RBM25: variants seen among roughly 807,000 people sequenced by gnomAD.
The protein encoded by RBM25 is RNA-binding protein 25.
RBM25 carries 19 observed loss-of-function variants against 120.7 expected under a neutral mutation model. That is an observed-to-expected ratio of 0.16 (90% CI 0.11 to 0.23). The LOEUF (loss-of-function observed/expected upper bound fraction) is 0.23. Ranked by LOEUF, RBM25 falls within the 10% of genes least tolerant of loss-of-function variation. RBM25 has a pLI of 1.00. For missense variants in RBM25, 605 were observed against 1,041.5 expected (o/e 0.58, Z 5.77); for synonymous variants, 390 against 326.7 (o/e 1.19, Z -2.09).
intron 18 of RBM25, among the ~76,000 whole-genome samples, chr14:73,117,088 CAG>C (rs1896444647): frequency 1.3e-5 from 2 of 152,028 alleles, no homozygotes; most frequent in South Asian, 4.1e-4. Context: ...AGTGTTACAA[CAG>C]AGTTCTTCAA....
At chr14:73,089,965 T>C (rs759240240) in intron 6 of RBM25, among the ~76,000 whole-genome samples, 15 of 152,196 alleles carry the variant, frequency 9.9e-5, no homozygotes, top group Non-Finnish European at 1.9e-4. Flanking sequence ...CCTGTATTTC[T>C]AAAACATAAG....
At chr14:73,093,948 G>GTTTTTT (rs1004873413) in intron 6 of RBM25, among the ~76,000 whole-genome samples, 44 of 122,166 alleles carry the variant, frequency 3.6e-4, no homozygotes, top group African/African-American at 5.2e-4. Flanking sequence ...ATCAGGTTTT[G>GTTTTTT]TTTTTTTTTT....
Position 73,095,711 on chromosome 14 carries a change from T to A in RBM25, c.544-1204T>A, listed in dbSNP as rs933657349. On this transcript the variant is annotated intron_variant, in intron 6 of 18. Transcript: ENST00000261973. ...TTTCAGAATGCTTGTGGTCAACTTA[T>A]AAAGTTACTGCTAAGTTACATTGTT... 2.0e-5 allele frequency among the ~76,000 whole-genome samples: 3 copies of A among 152,362 alleles called. No homozygotes were observed. In the East Asian group the frequency reaches 5.8e-4, roughly 29 times the overall value.
Position 73,105,126 on chromosome 14 carries a change from C to CTTTTT in RBM25, c.1155-719_1155-715dup, listed in dbSNP as rs34862161. ...TGTAATCTGCAGTTTGGTTTTATTA[C>CTTTTT]TTTTTTTTTTTTTTTTTTGGAGACG... On this transcript the variant is annotated intron_variant, in intron 10 of 18. Coordinates refer to ENST00000261973, the MANE Select transcript of RBM25 (RefSeq NM_021239.3). 1.2e-4 allele frequency among the ~76,000 whole-genome samples: 13 copies of CTTTTT among 109,520 alleles called. 1 individual carries two copies. Among genetic ancestry groups the CTTTTT allele is most frequent in the African/African-American group, 4.5e-4 (12 of 26,672 alleles). The allele number at this position is 109,520 out of a possible 152,430, so 71.8% of individuals were successfully genotyped here.
rs766497204 is a variant in RBM25, at chr14:73,077,410, C to T, written c.198C>T (p.Gly66=). ...PTVSMVGKHL[G]ARKDHPGLKA... is the part of the protein sequence containing the mutation. ...TGTCTATGGTTGGAAAGCATTTGGGCGCAAGAAAGGATCATCCAGGCTTAA... is the reference window on the plus strand; with the variant it reads ...TGTCTATGGTTGGAAAGCATTTGGGTGCAAGAAAGGATCATCCAGGCTTAA... The change falls in exon 4 of 19, where the codon GGC becomes GGT. Residue 66 remains glycine (G), a synonymous_variant. Transcript: ENST00000261973. The T allele has an allele frequency of 4.0e-5, 65 of 1,613,400 alleles. No individual in the cohort carries two copies. The highest frequency in any genetic ancestry group is 4.7e-5 in the Non-Finnish European group (56 of 1,179,674).
intron 1 of RBM25, among the ~76,000 whole-genome samples, chr14:73,071,263 C>G (rs115587126): frequency 0.015 from 2,183 of 142,580 alleles, 56 homozygotes; most frequent in African/African-American, 0.053. Context: ...AAAAAAAAAT[C>G]AGAACACTTA....
chr14:73,099,527 T>C (rs1302193756), intron 8 of RBM25, 94 bp downstream of exon 8: 6 of 1,584,180 alleles, frequency 3.8e-6, no homozygotes, highest in Non-Finnish European at 4.3e-6. Flanking sequence ...TATTTAACTT[T>C]AGATTGTTAG....
At chr14:73,104,360 T>A (rs1896134852) in intron 10 of RBM25, among the ~76,000 whole-genome samples, 3 of 151,728 alleles carry the variant, frequency 2.0e-5, no homozygotes, top group South Asian at 2.1e-4. Flanking sequence ...TAAAATTTTT[T>A]AATTATATTG....
Position 73,122,902 on chromosome 14 carries a change from C to T in RBM25, c.*3097C>T, listed in dbSNP as rs1421036080. 1.3e-5 allele frequency: 2 copies of T among 152,198 alleles called. No homozygotes were observed. Among genetic ancestry groups the T allele is most frequent in the Non-Finnish European group, 2.9e-5 (2 of 68,030 alleles). 9.4% of individuals were successfully genotyped at this position (152,198 alleles called of 1,614,324 possible). A position where few individuals can be genotyped will look rare whatever the true frequency, so the allele number is the denominator to read the frequency against. ...TCTATTCAGTATTATTTTATCCTAA[C>T]AGACTACATAAATGCAGCTGAATTT... On this transcript the variant is annotated 3_prime_UTR_variant, in exon 19 of 19. Transcript: ENST00000261973.
intron 4 of RBM25, among the ~76,000 whole-genome samples, chr14:73,079,553 A>G (rs1049843570): frequency 3.3e-5 from 5 of 150,478 alleles, no homozygotes; most frequent in Admixed American, 2.0e-4. Context: ...GGTTATCTCA[A>G]CCTGTGGTTC....
chr14:73,100,427 G>T (rs538470873), intron 9 of RBM25: 1 of 579,244 alleles, frequency 1.7e-6, no homozygotes, highest in South Asian at 2.1e-5. Context: ...ATGCAAAGGG[G>T]TAACTGGCTT....
chr14:73,094,558 C>T (rs891936540), intron 6 of RBM25, among the ~76,000 whole-genome samples: 1 of 151,408 alleles, frequency 6.6e-6, no homozygotes, highest in African/African-American at 2.4e-5. Flanking sequence ...AGCCATTCTC[C>T]TGCCTCGGCC....
intron 15 of RBM25, 65 bp from the exon 16 acceptor site, chr14:73,111,462 TG>T: frequency 6.8e-7 from 1 of 1,464,532 alleles, no homozygotes; most frequent in Non-Finnish European, 9.2e-7. Flanking sequence ...TTTTGAGGGA[TG>T]GTGGGTTATA....
chr14:73,077,582 T>C lies in RBM25; in HGVS notation c.324+46T>C, dbSNP rs539799599. 37 of 1,465,994 alleles carry C rather than the reference T, an allele frequency of 2.5e-5. 1 individual carries two copies. The African/African-American group carries it at 4.6e-4, about 18-fold the overall frequency. The allele number at this position is 1,465,994 out of a possible 1,614,324, so 90.8% of individuals were successfully genotyped here. On this transcript the variant is annotated intron_variant, in intron 4 of 18. Transcript: ENST00000261973. ...TTCATTAAAAATTTTTTTATCATTCTACATTTCAAACTTAAGCAGAAAGAA... is the reference window on the plus strand; with the variant it reads ...TTCATTAAAAATTTTTTTATCATTCCACATTTCAAACTTAAGCAGAAAGAA...
At chr14:73,092,380 A>G (rs1306705472) in intron 6 of RBM25, among the ~76,000 whole-genome samples, 2 of 152,058 alleles carry the variant, frequency 1.3e-5, no homozygotes, top group African/African-American at 4.8e-5. Flanking sequence ...AGTTGGAGAA[A>G]TTTAGAAAGC....
chr14:73,075,306 G>A (rs4496063), intron 2 of RBM25, among the ~76,000 whole-genome samples: 20,404 of 151,842 alleles, frequency 0.13, 1,762 homozygotes, highest in South Asian at 0.24. Flanking sequence ...TTACAGGCAC[G>A]CACCACTACG....
intron 1 of RBM25, among the ~76,000 whole-genome samples, chr14:73,062,920 A>G (rs937388549): frequency 2.0e-5 from 3 of 150,554 alleles, no homozygotes; most frequent in Admixed American, 2.0e-4. Context: ...TCCCGGGCTC[A>G]AGCGATTCTC....
intron 9 of RBM25, chr14:73,100,044 A>G (rs1302967109): frequency 1.9e-5 from 9 of 469,956 alleles, no homozygotes; most frequent in Non-Finnish European, 3.3e-5. Context: ...TCAGACTTAA[A>G]TTAGATTCAG....
rs2140470586 is a variant in RBM25, at chr14:73,120,096, G to T, written c.*291G>T. 52 of 207,030 alleles carry T rather than the reference G, an allele frequency of 2.5e-4. No individual in the cohort carries two copies. The highest frequency in any genetic ancestry group is 4.9e-4 in the East Asian group (3 of 6,102). The allele number at this position is 207,030 out of a possible 1,614,324, so 12.8% of individuals were successfully genotyped here. A position where few individuals can be genotyped will look rare whatever the true frequency, so the allele number is the denominator to read the frequency against. On this transcript the variant is annotated 3_prime_UTR_variant, in exon 19 of 19. Transcript: ENST00000261973. ...TGATATAATCTTGTTCTGCTGATTT[G>T]TTTCTTGTAAATATTAAAACGACTC...
Sources: gnomAD v4.1 joint callset for allele counts (sites outside exome capture counted in the v4.1 genomes callset) on GRCh38, gnomAD v4.1.1 for gene constraint, MANE v1.5 for transcripts, NCBI Gene and HGNC (gene_info 2026-07-23, HGNC 2026-07-21) for gene names.